RAD54B: variants seen among roughly 807,000 people sequenced by gnomAD.
RAD54B encodes the protein RAD54 homolog B.
In RAD54B, 78 loss-of-function variants were observed where a neutral mutation model predicts 95.8. That is an observed-to-expected ratio of 0.81 (90% CI 0.68 to 0.98). The LOEUF is 0.98. Among genes scored for constraint, RAD54B ranks in the 50% least tolerant of loss-of-function variants. The pLI is 0.00. For missense variants in RAD54B, 957 were observed against 1,056.6 expected (o/e 0.91, Z 1.31); for synonymous variants, 328 against 354.9 (o/e 0.92, Z 0.85).
chr8:94,464,110 G>T (rs1260183477), intron 2 of RAD54B, among the ~76,000 whole-genome samples: 1 of 152,094 alleles, frequency 6.6e-6, no homozygotes, highest in Non-Finnish European at 1.5e-5. Context: ...GGCTCCCAAA[G>T]ATTTCCACAC....
intron 2 of RAD54B, among the ~76,000 whole-genome samples, chr8:94,466,367 T>C (rs1055868799): frequency 9.9e-5 from 15 of 152,106 alleles, no homozygotes; most frequent in Admixed American, 8.5e-4. Context: ...TCCTTTTTCT[T>C]AACAGTAAAT....
intron 6 of RAD54B, among the ~76,000 whole-genome samples, chr8:94,400,976 A>C (rs1811253088): frequency 4.6e-5 from 7 of 152,186 alleles, no homozygotes; most frequent in Admixed American, 4.6e-4. Context: ...AATACATATA[A>C]TTTAGTAAAA....
rs10640285 is a variant in RAD54B, at chr8:94,406,003, T to TACACACACACACACAC, written c.781+1420_781+1435dup. On this transcript the variant is annotated intron_variant, in intron 5 of 14. Transcript: ENST00000336148. ...ATTTACTATTTACCTGAAGTGCTTT[T>TACACACACACACACAC]ACACACACACACACACACACACACA... is the stretch of plus-strand genomic sequence containing the variant. Among the ~76,000 whole-genome samples the TACACACACACACACAC allele has an allele frequency of 1.1e-4, 16 of 148,068 alleles. No individual in the cohort carries two copies. In the East Asian group the frequency reaches 1.8e-3, roughly 16 times the overall value.
intron 3 of RAD54B, chr8:94,432,333 G>A (rs1042467273): frequency 1.3e-6 from 2 of 1,550,090 alleles, no homozygotes; most frequent in African/African-American, 2.7e-5. Context: ...CAGGATCTGA[G>A]GATCATACCC....
chr8:94,437,041 C>T, intron 3 of RAD54B: 4 of 1,325,386 alleles, frequency 3.0e-6, no homozygotes, highest in Non-Finnish European at 3.9e-6. Flanking sequence ...GACGCAGGTT[C>T]AGGAAATCTG....
At chr8:94,424,919 G>A (rs2919672) in intron 3 of RAD54B, among the ~76,000 whole-genome samples, 58,840 of 151,552 alleles carry the variant, frequency 0.39, 11,613 homozygotes, top group Admixed American at 0.5. Flanking sequence ...AATATTAGCT[G>A]GGCATGGTGG....
At chr8:94,473,824 C>T (rs965656068) in intron 1 of RAD54B, among the ~76,000 whole-genome samples, 1 of 152,220 alleles carries the variant, frequency 6.6e-6, no homozygotes, top group African/African-American at 2.4e-5. Flanking sequence ...TATTTCACTT[C>T]ATGCCTTAAA....
rs1399255947 is a variant in RAD54B at position 94,432,788 on chromosome 8, AT to A, written c.305-21474del. The A allele has an allele frequency of 1.8e-5, 21 of 1,186,682 alleles. No homozygotes were observed. The Admixed American group carries it at 5.6e-4, about 32-fold the overall frequency. The allele number at this position is 1,186,682 out of a possible 1,614,324, so 73.5% of individuals were successfully genotyped here. Reference sequence around the variant, plus strand: ...CTATAAAGTTACAAAATAAAAAAAAATCTTAAACACTTGAAATACATTAAAG... The same window carrying A: ...CTATAAAGTTACAAAATAAAAAAAAACTTAAACACTTGAAATACATTAAAG... On this transcript the variant is annotated intron_variant, in intron 3 of 14. Coordinates refer to ENST00000336148, the MANE Select transcript of RAD54B (RefSeq NM_012415.3).
intron 3 of RAD54B, among the ~76,000 whole-genome samples, chr8:94,448,672 C>T (rs1256901692): frequency 2.9e-5 from 4 of 139,410 alleles, no homozygotes; most frequent in Non-Finnish European, 4.5e-5. Flanking sequence ...CTGCATCTCA[C>T]GTTATATGTG....
At chr8:94,386,598 GTGTGTGTGCAA>G (rs1810896407) in intron 11 of RAD54B, among the ~76,000 whole-genome samples, 3 of 127,622 alleles carry the variant, frequency 2.4e-5, no homozygotes, top group African/African-American at 9.2e-5. Flanking sequence ...GTGTGTGCAT[GTGTGTGTGCAA>G]TAGTTGAAAG....
At chr8:94,420,656 A>G (rs1811783089) in intron 3 of RAD54B, among the ~76,000 whole-genome samples, 1 of 151,190 alleles carries the variant, frequency 6.6e-6, no homozygotes, top group Non-Finnish European at 1.5e-5. Flanking sequence ...TCAGGGAGAA[A>G]CATGTATTGC....
chr8:94,467,440 T>C lies in RAD54B; in HGVS notation c.100A>G (p.Ile34Val). ...TTTATATCTGGATTCAGTTTTGTAA[T>C]CTCTTCATTCAGACCTGGATTACTT... is the stretch of plus-strand genomic sequence containing the variant. The part of the protein sequence containing the change: ...GRSNPGLNEE[I>V]TKLNPDIKLF... The change falls in exon 2 of 15, where the codon ATT (isoleucine) becomes GTT (valine). Residue 34 changes from isoleucine to valine, a missense_variant. Ile to Val is a conservative substitution (Grantham distance 29). Coordinates refer to ENST00000336148, the MANE Select transcript of RAD54B (RefSeq NM_012415.3). 6.2e-7 allele frequency: 1 copy of C among 1,612,458 alleles called. No individual in the cohort carries two copies. The highest frequency in any genetic ancestry group is 8.5e-7 in the Non-Finnish European group (1 of 1,179,464).
chr8:94,473,801 A>G (rs1200967394), intron 1 of RAD54B, among the ~76,000 whole-genome samples: 2 of 152,180 alleles, frequency 1.3e-5, no homozygotes, highest in Non-Finnish European at 2.9e-5. Context: ...TTCCAACTAC[A>G]TTAGGTAGTA....
At position 94,432,208 on chromosome 8, in the gene RAD54B, G is replaced by A. The variant is rs549737241; in HGVS notation, c.305-20893C>T. 7 of 1,550,164 alleles carry A rather than the reference G, an allele frequency of 4.5e-6. No individual in the cohort carries two copies. In the South Asian group the frequency reaches 7.1e-5, roughly 16 times the overall value. ...TTCTCCACTTCAATTTTTGCTCTTA[G>A]TAGCTCTTCCTCTAGCTGCTGCCTT... is the stretch of plus-strand genomic sequence containing the variant. On this transcript the variant is annotated intron_variant, in intron 3 of 14. Transcript: ENST00000336148.
Position 94,391,844 on chromosome 8 carries a change from A to C in RAD54B, c.1574T>G (p.Leu525Arg), listed in dbSNP as rs769036795. The change falls in exon 10 of 15, where the codon CTC becomes CGC. Residue 525 changes from leucine (L) to arginine (R), a missense_variant. By Grantham distance (102) the Leu-to-Arg change is moderately radical. Transcript: ENST00000336148. ...TTCTTGGGTTCTTCTAAGGATAAAG[A>C]GTCCAGTGAGGCAAGTAAGTTCAGC... ...RAAELTCLTG[L>R]FILRRTQEII... 17 of 1,613,646 alleles carry C rather than the reference A, an allele frequency of 1.1e-5. No individual in the cohort carries two copies. The highest frequency in any genetic ancestry group is 3.3e-4 in the Middle Eastern group (2 of 6,060).
At chr8:94,393,642 T>C (rs1469416434) in intron 9 of RAD54B, 101 bp downstream of exon 9, 2 of 1,155,220 alleles carry the variant, frequency 1.7e-6, no homozygotes, top group African/African-American at 1.6e-5. Flanking sequence ...AAATAAAGAG[T>C]TCACACTATT....
At chr8:94,449,398 G>A (rs563870494) in intron 3 of RAD54B, among the ~76,000 whole-genome samples, 26 of 151,982 alleles carry the variant, frequency 1.7e-4, no homozygotes, top group African/African-American at 5.3e-4. Context: ...ACATGAGGTC[G>A]GGAGTTCAAG....
chr8:94,416,234 GAA>G (rs1363168963), intron 3 of RAD54B, among the ~76,000 whole-genome samples: 1 of 151,334 alleles, frequency 6.6e-6, no homozygotes, highest in African/African-American at 2.4e-5. Flanking sequence ...GATGAAATTG[GAA>G]ATCATCATTC....
intron 3 of RAD54B, among the ~76,000 whole-genome samples, chr8:94,438,874 T>G (rs183483689): frequency 3.3e-5 from 5 of 152,266 alleles, no homozygotes; most frequent in Admixed American, 3.3e-4. Flanking sequence ...CAAGGATTAC[T>G]TGAGCACATG....
Sources: allele counts gnomAD v4.1 joint callset (sites outside exome capture counted in the v4.1 genomes callset), GRCh38; gene constraint gnomAD v4.1.1; transcripts MANE v1.5; gene names NCBI Gene and HGNC (gene_info 2026-07-23, HGNC 2026-07-21).